Variants in IGF1 observed in about 807,000 individuals in gnomAD.
IGF1 encodes insulin like growth factor 1.
Under a neutral mutation model 13.8 loss-of-function variants are expected in IGF1, and 4 were observed. That is an observed-to-expected ratio of 0.29 (90% CI 0.14 to 0.66). The LOEUF (loss-of-function observed/expected upper bound fraction) is 0.66, where lower values mean the gene tolerates loss of function less well. IGF1 is among the 30% of genes least tolerant of loss of function. The pLI is 0.78. For missense variants in IGF1, 124 were observed against 188.5 expected (o/e 0.66, Z 2.00); for synonymous variants, 76 against 72.6 (o/e 1.05, Z -0.23).
At chr12:102,432,847 AATAC>A (rs80335999) in intron 2 of IGF1, among the ~76,000 whole-genome samples, 12,311 of 151,990 alleles carry the variant, frequency 0.081, 795 homozygotes, top group East Asian at 0.27. Context: ...GTATAATAAA[AATAC>A]ATACATACAT....
At chr12:102,477,806 C>T (rs1282349448) in intron 1 of IGF1, among the ~76,000 whole-genome samples, 2 of 152,068 alleles carry the variant, frequency 1.3e-5, no homozygotes, top group East Asian at 3.9e-4. Context: ...TAGATGCCTT[C>T]AAGTTCTTCA....
intron 3 of IGF1, 148 bp from the exon 4 acceptor site, chr12:102,402,714 T>G: frequency 5.8e-6 from 4 of 693,884 alleles, no homozygotes; most frequent in Non-Finnish European, 1.1e-5. Context: ...GAGAAGGGCA[T>G]GTATAGGTGG....
intron 2 of IGF1, among the ~76,000 whole-genome samples, chr12:102,424,360 T>C (rs1016773133): frequency 6.6e-6 from 1 of 152,032 alleles, no homozygotes; most frequent in African/African-American, 2.4e-5. Flanking sequence ...AATTATTAGC[T>C]AATAAAAATG....
chr12:102,426,802 C>T (rs750990229), intron 2 of IGF1, among the ~76,000 whole-genome samples: 3 of 152,170 alleles, frequency 2.0e-5, no homozygotes, highest in Non-Finnish European at 4.4e-5. Flanking sequence ...AATGGTTTCC[C>T]AATCACTTTC....
intron 2 of IGF1, among the ~76,000 whole-genome samples, chr12:102,425,896 A>C (rs1036319220): frequency 6.6e-6 from 1 of 152,172 alleles, no homozygotes; most frequent in African/African-American, 2.4e-5. Flanking sequence ...TAGCCAACAA[A>C]ATTATACTTT....
intron 2 of IGF1, among the ~76,000 whole-genome samples, chr12:102,449,248 G>A (rs530958689): frequency 1.3e-5 from 2 of 152,130 alleles, no homozygotes; most frequent in Non-Finnish European, 2.9e-5. Context: ...GTTCCTTGAA[G>A]GGACATGGAT....
intron 2 of IGF1, among the ~76,000 whole-genome samples, chr12:102,426,263 C>T (rs913481255): frequency 5.3e-5 from 8 of 152,088 alleles, no homozygotes; most frequent in Non-Finnish European, 1.2e-4. Flanking sequence ...GATTCAGGTC[C>T]TCATATGTAA....
intron 2 of IGF1, among the ~76,000 whole-genome samples, chr12:102,441,936 T>TCTTCTCCTTCTCCTTCTCCTTCTC (rs1877830558): frequency 7.3e-6 from 1 of 136,106 alleles, no homozygotes; most frequent in Admixed American, 8.3e-5. Context: ...TTCTTCTTCT[T>TCTTCTCCTTCTCCTTCTCCTTCTC]CTTCTTCTTC....
chr12:102,421,192 T>C lies in IGF1; in HGVS notation c.221-1502A>G, dbSNP rs1592755109. 2.6e-5 allele frequency among the ~76,000 whole-genome samples: 4 copies of C among 152,048 alleles called. No homozygotes were observed. The South Asian group carries it at 8.3e-4, about 32-fold the overall frequency. ...TTGTCATTCTTAGGGCAGCTGGAGG[T>C]AGTAACTCAGTGAGGGTTCATTTGT... On this transcript the variant is annotated intron_variant, in intron 2 of 3. Coordinates refer to ENST00000337514, the MANE Select transcript of IGF1 (RefSeq NM_000618.5).
chr12:102,459,638 C>T (rs1451647447), intron 2 of IGF1, among the ~76,000 whole-genome samples: 1 of 152,094 alleles, frequency 6.6e-6, no homozygotes, highest in African/African-American at 2.4e-5. Context: ...CTGGCCTTTC[C>T]TGCTTTACAA....
chr12:102,477,345 C>G (rs759680935), intron 1 of IGF1, among the ~76,000 whole-genome samples: 7 of 151,182 alleles, frequency 4.6e-5, no homozygotes, highest in Non-Finnish European at 8.8e-5. Context: ...GGTTGTAAAG[C>G]AGTTGAAGAT....
At chr12:102,472,751 G>T (rs1352336683) in intron 2 of IGF1, among the ~76,000 whole-genome samples, 1 of 152,134 alleles carries the variant, frequency 6.6e-6, no homozygotes, top group Non-Finnish European at 1.5e-5. Context: ...AAAGGAAACT[G>T]AATGAAATTT....
chr12:102,441,373 C>A (rs551813777), intron 2 of IGF1, among the ~76,000 whole-genome samples: 4 of 152,326 alleles, frequency 2.6e-5, no homozygotes, highest in African/African-American at 9.6e-5. Context: ...TATCATAGAT[C>A]TCAGGTCCTC....
At chr12:102,457,945 AATTC>A (rs1395469293) in intron 2 of IGF1, among the ~76,000 whole-genome samples, 1 of 152,188 alleles carries the variant, frequency 6.6e-6, no homozygotes, top group Non-Finnish European at 1.5e-5. Flanking sequence ...TTTCTAGCAC[AATTC>A]TAGGTACACA....
intron 2 of IGF1, among the ~76,000 whole-genome samples, chr12:102,433,947 A>G (rs1876971902): frequency 6.6e-6 from 1 of 151,998 alleles, no homozygotes; most frequent in African/African-American, 2.4e-5. Context: ...ATGTCATCTC[A>G]CCCCACCCTC....
At chr12:102,468,467 G>A (rs555402554) in intron 2 of IGF1, among the ~76,000 whole-genome samples, 2 of 152,244 alleles carry the variant, frequency 1.3e-5, no homozygotes, top group Non-Finnish European at 2.9e-5. Context: ...AGCTTGCCAA[G>A]TGCTTCTTTA....
At chr12:102,474,096 T>C (rs1430270751) in intron 2 of IGF1, among the ~76,000 whole-genome samples, 1 of 152,194 alleles carries the variant, frequency 6.6e-6, no homozygotes, top group Non-Finnish European at 1.5e-5. Context: ...CACTTTTTCA[T>C]TTCTTTAAAA....
chr12:102,456,454 C>T (rs1194487508), intron 2 of IGF1, among the ~76,000 whole-genome samples: 2 of 151,962 alleles, frequency 1.3e-5, no homozygotes, highest in Non-Finnish European at 2.9e-5. Flanking sequence ...GAAGTTTTTC[C>T]CTCATTTCTG....
chr12:102,408,874 C>T (rs974912132), intron 3 of IGF1, among the ~76,000 whole-genome samples: 1 of 152,206 alleles, frequency 6.6e-6, no homozygotes, highest in Non-Finnish European at 1.5e-5. Flanking sequence ...TGGGGTTAGG[C>T]TTGCCTTGCA....
Sources: allele counts gnomAD v4.1 joint callset (sites outside exome capture counted in the v4.1 genomes callset), GRCh38; gene constraint gnomAD v4.1.1; transcripts MANE v1.5; gene names NCBI Gene and HGNC (gene_info 2026-07-23, HGNC 2026-07-21).